The following AP3S1 variants were observed in gnomAD, a reference collection of about 807,000 sequenced individuals.
The protein encoded by AP3S1 is adaptor related protein complex 3 subunit sigma 1.
In AP3S1, 12 loss-of-function variants were observed where a neutral mutation model predicts 21.3. The observed-to-expected ratio is 0.56, with a 90% CI of 0.36 to 0.91. The LOEUF (loss-of-function observed/expected upper bound fraction) is 0.91. Among genes scored for constraint, AP3S1 ranks in the 40% least tolerant of loss-of-function variants. The probability of loss-of-function intolerance (pLI) is 0.01; values close to 1 mark genes in which losing one functional copy is unlikely to be tolerated. For missense variants in AP3S1, 116 were observed against 225.0 expected (o/e 0.52, Z 3.10); for synonymous variants, 48 against 78.4 (o/e 0.61, Z 2.05).
chr5:115,885,656 G>T (rs551687255), intron 3 of AP3S1, among the ~76,000 whole-genome samples: 23 of 152,220 alleles, frequency 1.5e-4, no homozygotes, highest in Non-Finnish European at 3.2e-4. Context: ...ATCTCCTCTG[G>T]CAACACCCTC....
chr5:115,870,194 T>C (rs528260526), intron 3 of AP3S1, 66 bp downstream of exon 3: 49 of 1,000,652 alleles, frequency 4.9e-5, no homozygotes, highest in Non-Finnish European at 6.3e-5. Context: ...TAAAAACTTA[T>C]ATATTCTAAA....
At chr5:115,853,834 A>G (rs1762614875) in intron 1 of AP3S1, among the ~76,000 whole-genome samples, 1 of 152,164 alleles carries the variant, frequency 6.6e-6, no homozygotes, top group Non-Finnish European at 1.5e-5. Flanking sequence ...AATATTTCAA[A>G]CTCAGTCTGT....
At chr5:115,901,793 T>G (rs747908078) in intron 4 of AP3S1, among the ~76,000 whole-genome samples, 13 of 152,180 alleles carry the variant, frequency 8.5e-5, no homozygotes, top group Non-Finnish European at 1.8e-4. Flanking sequence ...CCTCCCAAAG[T>G]GTTGGGATTA....
chr5:115,866,535 T>G (rs1763634780), intron 1 of AP3S1, 135 bp from the exon 2 acceptor site: 2 of 455,736 alleles, frequency 4.4e-6, no homozygotes, highest in Admixed American at 4.4e-5. Flanking sequence ...AGGTATAATT[T>G]AAGTCACTTC....
At chr5:115,892,517 A>C (rs150044910) in intron 3 of AP3S1, among the ~76,000 whole-genome samples, 1 of 152,210 alleles carries the variant, frequency 6.6e-6, no homozygotes. Context: ...GATGGATAGA[A>C]CTGGAGATCT....
intron 3 of AP3S1, among the ~76,000 whole-genome samples, chr5:115,883,301 G>A (rs1331843382): frequency 6.6e-6 from 1 of 152,202 alleles, no homozygotes; most frequent in Non-Finnish European, 1.5e-5. Context: ...CGGCCACCCA[G>A]TTTTGTGCTT....
At chr5:115,900,997 A>G (rs1751160648) in intron 4 of AP3S1, among the ~76,000 whole-genome samples, 1 of 152,148 alleles carries the variant, frequency 6.6e-6, no homozygotes, top group Admixed American at 6.5e-5. Context: ...CTAATAATTA[A>G]TGTTGATTCA....
chr5:115,902,169 T>TA (rs1751274499), intron 4 of AP3S1, among the ~76,000 whole-genome samples: 1 of 152,154 alleles, frequency 6.6e-6, no homozygotes, highest in South Asian at 2.1e-4. Flanking sequence ...CACATTATTT[T>TA]AAAAAAATTA....
intron 1 of AP3S1, among the ~76,000 whole-genome samples, chr5:115,850,986 A>G (rs895198966): frequency 3.3e-5 from 5 of 152,220 alleles, no homozygotes; most frequent in Non-Finnish European, 7.3e-5. Flanking sequence ...ATGATTGACT[A>G]ACATTGTTGA....
At chr5:115,851,319 T>A (rs1028811641) in intron 1 of AP3S1, among the ~76,000 whole-genome samples, 5 of 152,196 alleles carry the variant, frequency 3.3e-5, no homozygotes, top group African/African-American at 1.2e-4. Context: ...GTGCCTGCTT[T>A]TACTTTTTAT....
chr5:115,859,027 T>A (rs1448008577), intron 1 of AP3S1, among the ~76,000 whole-genome samples: 1 of 152,160 alleles, frequency 6.6e-6, no homozygotes, highest in Non-Finnish European at 1.5e-5. Context: ...ACAAGTGCCA[T>A]GGTGGTTTGC....
chr5:115,870,240 T>C, intron 3 of AP3S1, 112 bp downstream of exon 3: 1 of 638,348 alleles, frequency 1.6e-6, no homozygotes, highest in Non-Finnish European at 2.6e-6. Context: ...ATAAAGCATT[T>C]CATAATAGAT....
chr5:115,853,010 A>T (rs770789768), intron 1 of AP3S1: 1 of 453,978 alleles, frequency 2.2e-6, no homozygotes, highest in South Asian at 1.6e-5. Context: ...TTGCCAAATC[A>T]TATGGTAAGA....
chr5:115,874,886 G>A (rs908103671), intron 3 of AP3S1, among the ~76,000 whole-genome samples: 1 of 151,872 alleles, frequency 6.6e-6, no homozygotes, highest in Non-Finnish European at 1.5e-5. Context: ...ATTTAGCTCT[G>A]CCATATACTA....
chr5:115,911,065 T>C (rs947543916), intron 5 of AP3S1, among the ~76,000 whole-genome samples: 5 of 152,186 alleles, frequency 3.3e-5, no homozygotes, highest in African/African-American at 1.2e-4. Context: ...AGCACAAATA[T>C]GCTATTTAAA....
At chr5:115,862,512 G>A (rs1763274925) in intron 1 of AP3S1, among the ~76,000 whole-genome samples, 1 of 152,118 alleles carries the variant, frequency 6.6e-6, no homozygotes, top group Non-Finnish European at 1.5e-5. Context: ...TACTCTCAGT[G>A]GAGAGAACTG....
chr5:115,854,580 G>A (rs1762664675), intron 1 of AP3S1, among the ~76,000 whole-genome samples: 1 of 152,012 alleles, frequency 6.6e-6, no homozygotes, highest in African/African-American at 2.4e-5. Context: ...GAGAGGCCTT[G>A]GCAGAAAACA....
chr5:115,863,716 A>C (rs552238354), intron 1 of AP3S1, among the ~76,000 whole-genome samples: 1 of 152,354 alleles, frequency 6.6e-6, no homozygotes, highest in African/African-American at 2.4e-5. Flanking sequence ...GCTATAAGAA[A>C]GGCATATCTA....
intron 1 of AP3S1, among the ~76,000 whole-genome samples, chr5:115,857,513 C>T (rs985063100): frequency 1.7e-4 from 26 of 152,006 alleles, no homozygotes; most frequent in African/African-American, 5.3e-4. Context: ...ATTATTTACT[C>T]TCCTCCTTTC....
Sources: gnomAD v4.1 joint callset for allele counts (sites outside exome capture counted in the v4.1 genomes callset) on GRCh38, gnomAD v4.1.1 for gene constraint, MANE v1.5 for transcripts, NCBI Gene and HGNC (gene_info 2026-07-23, HGNC 2026-07-21) for gene names.